Variants in ZNF518A observed in about 807,000 individuals in gnomAD.
ZNF518A encodes zinc finger protein 518A, also known as zinc finger protein 518.
A neutral mutation model predicts 102.7 loss-of-function variants in ZNF518A; 47 were observed. That is an observed-to-expected ratio of 0.46 (90% CI 0.36 to 0.58). The LOEUF (loss-of-function observed/expected upper bound fraction) is 0.58, where lower values mean the gene tolerates loss of function less well. Ranked by LOEUF, ZNF518A falls within the 20% of genes least tolerant of loss-of-function variation. The probability of loss-of-function intolerance (pLI) is 0.00; values close to 1 mark genes in which losing one functional copy is unlikely to be tolerated. For synonymous variants in ZNF518A, 652 were observed against 594.6 expected (o/e 1.10, Z -1.40); for missense variants, 1,793 against 1,699.8 (o/e 1.05, Z -0.96).
At position 96,157,044 on chromosome 10, in the gene ZNF518A, A is replaced by T. The variant is rs782443591; in HGVS notation, c.722A>T (p.His241Leu). The T allele has an allele frequency of 2.5e-6, 4 of 1,613,702 alleles. No homozygotes were observed. Among genetic ancestry groups the T allele is most frequent in the Non-Finnish European group, 3.4e-6 (4 of 1,179,730 alleles). Reference sequence around the variant, plus strand: ...CATTATAAGTGTGGTAAATGTCATCATGTATGTTTTACCAAAGGAGAGCTT... The same window carrying T: ...CATTATAAGTGTGGTAAATGTCATCTTGTATGTTTTACCAAAGGAGAGCTT... ...EIHYKCGKCH[H>L]VCFTKGELQK... Residue 241 changes from histidine to leucine, a missense_variant, in exon 6 of 6, where the codon CAT (histidine) becomes CTT (leucine). Physicochemically the swap from His to Leu is moderately conservative, Grantham distance 99. Transcript: ENST00000316045.
At chr10:96,176,496 G>A (rs988863949) in intron 1 of ZNF518A, among the ~76,000 whole-genome samples, 3 of 152,160 alleles carry the variant, frequency 2.0e-5, no homozygotes, top group African/African-American at 7.2e-5. Context: ...CACATTTCTG[G>A]CTGAGTGCCT....
chr10:96,193,765 A>G (rs1330339040), intron 1 of ZNF518A, among the ~76,000 whole-genome samples: 1 of 152,220 alleles, frequency 6.6e-6, no homozygotes, highest in African/African-American at 2.4e-5. Flanking sequence ...CACAGTGCCA[A>G]AATAGCTGCA....
chr10:96,195,049 G>A (rs2083430643), intron 1 of ZNF518A, among the ~76,000 whole-genome samples: 3 of 152,186 alleles, frequency 2.0e-5, no homozygotes, highest in Non-Finnish European at 4.4e-5. Flanking sequence ...GATTACAGGC[G>A]TGAGCCACCG....
intron 3 of ZNF518A, among the ~76,000 whole-genome samples, chr10:96,138,052 T>C (rs1235627684): frequency 6.6e-6 from 1 of 152,236 alleles, no homozygotes; most frequent in African/African-American, 2.4e-5. Context: ...CATATCAGGA[T>C]ATCTTGTAGG....
intron 1 of ZNF518A, among the ~76,000 whole-genome samples, chr10:96,182,807 G>A (rs1387918116): frequency 6.6e-6 from 1 of 152,172 alleles, no homozygotes; most frequent in Non-Finnish European, 1.5e-5. Context: ...TCTCTGCCAG[G>A]CTTTGGTATC....
chr10:96,181,116 T>C (rs1386431071), intron 1 of ZNF518A, among the ~76,000 whole-genome samples: 1 of 152,258 alleles, frequency 6.6e-6, no homozygotes, highest in Non-Finnish European at 1.5e-5. Context: ...CACTTTTTCA[T>C]GTGTCTGTTG....
chr10:96,160,825 C>CA lies in ZNF518A; in HGVS notation c.*53dup. On this transcript the variant is annotated 3_prime_UTR_variant, in exon 6 of 6. Coordinates refer to ENST00000316045, the MANE Select transcript of ZNF518A (RefSeq NM_001330736.2). ...AAAGTAAAATTACCTTAGAAGAAAA[C>CA]AACGGGTTCAGTTACCATAATGCAG... 6.9e-7 allele frequency: 1 copy of CA among 1,457,634 alleles called. No homozygotes were observed. The highest frequency in any genetic ancestry group is 9.0e-7 in the Non-Finnish European group (1 of 1,105,138). 90.3% of individuals were successfully genotyped at this position (1,457,634 alleles called of 1,614,324 possible). A position where few individuals can be genotyped will look rare whatever the true frequency, so the allele number is the denominator to read the frequency against.
chr10:96,200,110 T>G lies in ZNF518A; in HGVS notation n.36-3464T>G. The G allele has an allele frequency of 1.2e-6, 2 of 1,614,074 alleles. No homozygotes were observed. Among genetic ancestry groups the G allele is most frequent in the Non-Finnish European group, 1.7e-6 (2 of 1,179,990 alleles). On this transcript the variant is annotated intron_variant and non_coding_transcript_variant, in intron 1 of 2. Coordinates refer to the ZNF518A transcript ENST00000442635. The surrounding 1 kb of genome is among the most constrained non-coding windows in gnomAD (Gnocchi z 4.3). ...CTGTGCAATGCCTCTTCAGCAGACT[T>G]TCGATCACAGGCTCCAGCATACCAT...
chr10:96,192,199 C>A lies in ZNF518A; in HGVS notation n.36-11375C>A, dbSNP rs587621098. ...TCAAGTTAGTAAAAGTTATTACACC[C>A]CAGCTGACATTCTGCACAAAAAAAT... On this transcript the variant is annotated intron_variant and non_coding_transcript_variant, in intron 1 of 2. Transcript: ENST00000442635. The A allele has an allele frequency of 2.5e-5, 36 of 1,453,056 alleles. No homozygotes were observed. In the African/African-American group the frequency reaches 3.5e-4, roughly 14 times the overall value. 90.0% of individuals were successfully genotyped at this position (1,453,056 alleles called of 1,614,324 possible). A position where few individuals can be genotyped will look rare whatever the true frequency, so the allele number is the denominator to read the frequency against.
rs74735854 is a variant in ZNF518A, at chr10:96,141,010, T to C, written c.-302+7362T>C. Among the ~76,000 whole-genome samples, 349 of 152,290 alleles carry C rather than the reference T, an allele frequency of 2.3e-3. 1 individual carries two copies. Among genetic ancestry groups the C allele is most frequent in the African/African-American group, 8.0e-3 (331 of 41,562 alleles). On this transcript the variant is annotated intron_variant, in intron 3 of 5. Coordinates refer to ENST00000316045, the MANE Select transcript of ZNF518A (RefSeq NM_001330736.2). Reference sequence around the variant, plus strand: ...GTGTTTTAAACCAAGTTCCAAATTATTGCAGCAAAAAAGTTTACATGCTCT... The same window carrying C: ...GTGTTTTAAACCAAGTTCCAAATTACTGCAGCAAAAAAGTTTACATGCTCT...
intron 1 of ZNF518A, among the ~76,000 whole-genome samples, chr10:96,180,108 G>C (rs2083230676): frequency 6.7e-6 from 1 of 150,196 alleles, no homozygotes; most frequent in Admixed American, 6.6e-5. Context: ...TCAAACTCCT[G>C]ACCTCAGGTG....
chr10:96,189,384 G>C (rs1180173645), intron 1 of ZNF518A: 1 of 577,580 alleles, frequency 1.7e-6, no homozygotes, highest in East Asian at 4.1e-5. Flanking sequence ...TCCACTGCCA[G>C]GATCTTGAAT....
At chr10:96,182,386 A>G (rs1014614222) in intron 1 of ZNF518A, among the ~76,000 whole-genome samples, 2 of 152,122 alleles carry the variant, frequency 1.3e-5, no homozygotes, top group African/African-American at 4.8e-5. Context: ...AGTGGTGAGA[A>G]AGAGGGCATC....
At position 96,162,612 on chromosome 10, in the gene ZNF518A, A is replaced by C. The variant is rs1279770452; in HGVS notation, c.*1838A>C. On this transcript the variant is annotated 3_prime_UTR_variant, in exon 6 of 6. Coordinates refer to ENST00000316045, the MANE Select transcript of ZNF518A (RefSeq NM_001330736.2). ...CAATTGTGTTTCTTAAATTGAGCCTAAGAATGGAGTTAATTGGAAATATAC... is the reference window on the plus strand; with the variant it reads ...CAATTGTGTTTCTTAAATTGAGCCTCAGAATGGAGTTAATTGGAAATATAC... 1 of 166,648 alleles carries C rather than the reference A, an allele frequency of 6.0e-6. No individual in the cohort carries two copies. Among genetic ancestry groups the C allele is most frequent in the East Asian group, 1.9e-4 (1 of 5,208 alleles). 10.3% of individuals were successfully genotyped at this position (166,648 alleles called of 1,614,324 possible).
At chr10:96,135,666 A>G (rs1228717790) in intron 3 of ZNF518A, among the ~76,000 whole-genome samples, 2 of 152,216 alleles carry the variant, frequency 1.3e-5, no homozygotes, top group Non-Finnish European at 2.9e-5. Context: ...GCATATTTTT[A>G]TTTATTTCTG....
chr10:96,192,046 G>C, intron 1 of ZNF518A: 1 of 1,613,624 alleles, frequency 6.2e-7, no homozygotes, highest in Non-Finnish European at 8.5e-7. Flanking sequence ...AAGAACCAAA[G>C]GACTATGTTG....
At position 96,157,492 on chromosome 10, in the gene ZNF518A, A is replaced by G. The variant is rs374371420; in HGVS notation, c.1170A>G (p.Ser390=). The G allele has an allele frequency of 2.7e-5, 43 of 1,613,764 alleles. No homozygotes were observed. In the African/African-American group the frequency reaches 3.3e-4, roughly 13 times the overall value. Residue 390 remains serine (S), a synonymous_variant, in exon 6 of 6, where the codon TCA becomes TCG. Transcript: ENST00000316045. ...ATGATAAAGCCCCTGAATCAGAGTC[A>G]GAGAAGCCAACTCCTCTGTCCACTG... is the stretch of plus-strand genomic sequence containing the variant. The part of the protein sequence containing the change: ...ENNDKAPESE[S]EKPTPLSTGQ...
intron 3 of ZNF518A, among the ~76,000 whole-genome samples, chr10:96,139,369 C>A (rs1181797401): frequency 1.3e-5 from 2 of 152,000 alleles, no homozygotes; most frequent in African/African-American, 4.8e-5. Flanking sequence ...GGAAGTGGGG[C>A]CTTTTTAAGA....
intron 1 of ZNF518A, among the ~76,000 whole-genome samples, chr10:96,179,975 T>C (rs1437564302): frequency 6.6e-6 from 1 of 150,450 alleles, no homozygotes; most frequent in Non-Finnish European, 1.5e-5. Context: ...GCCTCCTGGG[T>C]TCAAGCGATT....
Sources: allele counts gnomAD v4.1 joint callset (sites outside exome capture counted in the v4.1 genomes callset), GRCh38; gene constraint gnomAD v4.1.1; non-coding constraint Gnocchi (gnomAD v3.1); transcripts MANE v1.5; gene names NCBI Gene and HGNC (gene_info 2026-07-23, HGNC 2026-07-21).